PCDHGA9: variants seen among roughly 807,000 people sequenced by gnomAD.
PCDHGA9 encodes protocadherin gamma subfamily A, 9.
PCDHGA9 carries 37 observed loss-of-function variants against 62.5 expected under a neutral mutation model. That is an observed-to-expected ratio of 0.59 (90% CI 0.46 to 0.78). PCDHGA9 has a LOEUF of 0.78. Ranked by LOEUF, PCDHGA9 falls within the 30% of genes least tolerant of loss-of-function variation. The probability of loss-of-function intolerance (pLI) is 0.00; values close to 1 mark genes in which losing one functional copy is unlikely to be tolerated. For missense variants in PCDHGA9, 1,138 were observed against 1,166.2 expected, an observed-to-expected ratio of 0.98 and a Z score of 0.35; for synonymous variants, 459 against 484.6, an observed-to-expected ratio of 0.95 and a Z score of 0.69.
chr5:141,407,589 C>G (rs1305349867), intron 1 of PCDHGA9, among the ~76,000 whole-genome samples: 1 of 151,660 alleles, frequency 6.6e-6, no homozygotes, highest in Non-Finnish European at 1.5e-5. Context: ...ACCTTAATGT[C>G]TCATCTTAAA....
At chr5:141,434,323 T>G (rs578049856) in intron 1 of PCDHGA9, among the ~76,000 whole-genome samples, 1 of 152,358 alleles carries the variant, frequency 6.6e-6, no homozygotes, top group South Asian at 2.1e-4. Flanking sequence ...CTCTTGCTGC[T>G]TGTCTCTTTG....
intron 1 of PCDHGA9, among the ~76,000 whole-genome samples, chr5:141,484,096 G>T (rs539388257): frequency 6.6e-6 from 1 of 152,244 alleles, no homozygotes; most frequent in Non-Finnish European, 1.5e-5. Flanking sequence ...GTCTTCGTTG[G>T]TAATTAACAA....
chr5:141,454,796 A>ATTTTTTTTTTTTTTTTTTTTTTTTTTTT (rs61612330), intron 1 of PCDHGA9, among the ~76,000 whole-genome samples: 3 of 77,456 alleles, frequency 3.9e-5, no homozygotes, highest in Admixed American at 1.8e-4. Flanking sequence ...CATGGTTCTA[A>ATTTTTTTTTTTTTTTTTTTTTTTTTTTT]TTTTTTTTTT....
chr5:141,410,849 C>CTTTTTTTTTGTTTTTTTT (rs2095433801), intron 1 of PCDHGA9: 1 of 129,786 alleles, frequency 7.7e-6, no homozygotes, highest in African/African-American at 6.0e-5. Context: ...TTGTCTTTGT[C>CTTTTTTTTTGTTTTTTTT]TTTTTTTTTT....
chr5:141,415,514 C>G, intron 1 of PCDHGA9: 2 of 1,614,178 alleles, frequency 1.2e-6, no homozygotes, highest in Non-Finnish European at 8.5e-7. Flanking sequence ...CCCAATTATG[C>G]GGACACGCTC....
At chr5:141,427,156 T>G (rs533425641) in intron 1 of PCDHGA9, 10 of 456,890 alleles carry the variant, frequency 2.2e-5, no homozygotes, top group African/African-American at 2.0e-4. Flanking sequence ...AATATGTTTG[T>G]GCTAGACCAT....
In PCDHGA9 at chr5:141,422,843, G is replaced by C. The variant is rs778670588; in HGVS notation, c.2424+17467G>C. 1.9e-6 allele frequency: 3 copies of C among 1,614,234 alleles called. No homozygotes were observed. In the East Asian group the frequency reaches 6.7e-5, roughly 36 times the overall value. ...CTGAGAGTGATAGCACGTGACAGCG[G>C]GGACCCGCCCCTCAGCAGCAACGTG... is the stretch of plus-strand genomic sequence containing the variant. On this transcript the variant is annotated intron_variant, in intron 1 of 3. Coordinates refer to ENST00000573521, the MANE Select transcript of PCDHGA9 (RefSeq NM_018921.3).
intron 1 of PCDHGA9, among the ~76,000 whole-genome samples, chr5:141,452,585 G>A (rs1310395736): frequency 6.6e-6 from 1 of 151,984 alleles, no homozygotes; most frequent in Non-Finnish European, 1.5e-5. Context: ...TTCCATCTTT[G>A]TATTTTTATT....
intron 1 of PCDHGA9, among the ~76,000 whole-genome samples, chr5:141,435,357 T>C (rs749223776): frequency 6.6e-6 from 1 of 152,208 alleles, no homozygotes; most frequent in Non-Finnish European, 1.5e-5. Flanking sequence ...CATTTAAAAT[T>C]TTATCACTTA....
At position 141,486,121 on chromosome 5, in the gene PCDHGA9, T is replaced by C. The variant is rs371827617; in HGVS notation, c.2425-8686T>C. 5.6e-6 allele frequency: 9 copies of C among 1,614,086 alleles called. No individual in the cohort carries two copies. The highest frequency in any genetic ancestry group is 2.2e-5 in the South Asian group (2 of 91,082). ...TAGACTTTGAGAGTGAGAATTACTATGAATTTGATGTGCGGGCTCGCGATG... is the reference window on the plus strand; with the variant it reads ...TAGACTTTGAGAGTGAGAATTACTACGAATTTGATGTGCGGGCTCGCGATG... On this transcript the variant is annotated intron_variant, in intron 1 of 3. Coordinates refer to ENST00000573521, the MANE Select transcript of PCDHGA9 (RefSeq NM_018921.3). This position sits in a 1 kb window ranked among gnomAD's most constrained non-coding sequence, Gnocchi z 5.0.
intron 1 of PCDHGA9, among the ~76,000 whole-genome samples, chr5:141,435,011 A>G (rs2097737147): frequency 6.6e-6 from 1 of 152,126 alleles, no homozygotes; most frequent in African/African-American, 2.4e-5. Flanking sequence ...TTTATCAATG[A>G]TAATGCTCTT....
chr5:141,404,627 G>A lies in PCDHGA9; in HGVS notation c.1675G>A (p.Ala559Thr). The change falls in exon 1 of 4, where the codon GCC (alanine) becomes ACC (threonine). Residue 559 changes from alanine to threonine, a missense_variant. Coordinates refer to ENST00000573521, the MANE Select transcript of PCDHGA9 (RefSeq NM_018921.3). ...GTTTGTTTTGGACCAGAATGACAAT[G>A]CCCCAGAAATCCTGTACCCTGCCCT... Reference protein sequence around the residue: ...RLFVLDQNDNAPEILYPALPT... With the variant: ...RLFVLDQNDNTPEILYPALPT... The A allele has an allele frequency of 6.2e-7, 1 of 1,614,144 alleles. No individual in the cohort carries two copies. Among genetic ancestry groups the A allele is most frequent in the Non-Finnish European group, 8.5e-7 (1 of 1,180,002 alleles).
In PCDHGA9 at chr5:141,477,442, A is replaced by G; in HGVS notation, c.2425-17365A>G. The G allele has an allele frequency of 6.2e-7, 1 of 1,614,132 alleles. No individual in the cohort carries two copies. Among genetic ancestry groups the G allele is most frequent in the Non-Finnish European group, 8.5e-7 (1 of 1,180,022 alleles). ...CCCCTTCCCTCTCAGCCCTTACAAT[A>G]GTGCGTGTTCAAGTGTCCGACATCA... On this transcript the variant is annotated intron_variant, in intron 1 of 3. Coordinates refer to ENST00000573521, the MANE Select transcript of PCDHGA9 (RefSeq NM_018921.3). This position sits in a 1 kb window ranked among gnomAD's most constrained non-coding sequence, Gnocchi z 4.9.
In PCDHGA9 at chr5:141,490,912, AATG is replaced by A; in HGVS notation, c.2425-3892_2425-3890del. 6.2e-7 allele frequency: 1 copy of A among 1,613,644 alleles called. No homozygotes were observed. Among genetic ancestry groups the A allele is most frequent in the Non-Finnish European group, 8.5e-7 (1 of 1,179,684 alleles). On this transcript the variant is annotated intron_variant, in intron 1 of 3. Transcript: ENST00000573521. This position sits in a 1 kb window ranked among gnomAD's most constrained non-coding sequence, Gnocchi z 5.4. ...TCTGCATGTGTTTGTCCTAGACGAG[AATG>A]ATAATGCCCCAGCTGTGCTGCACCC...
rs1562106021 is a variant in PCDHGA9 at position 141,485,561 on chromosome 5, G to T, written c.2425-9246G>T. 6.2e-7 allele frequency: 1 copy of T among 1,613,008 alleles called. No individual in the cohort carries two copies. Among genetic ancestry groups the T allele is most frequent in the Non-Finnish European group, 8.5e-7 (1 of 1,179,122 alleles). ...AGAGATCGTAGATGTGAATGATCAC[G>T]CCCCCCGTTTTCCGCGGCAGCAGCT... On this transcript the variant is annotated intron_variant, in intron 1 of 3. Coordinates refer to ENST00000573521, the MANE Select transcript of PCDHGA9 (RefSeq NM_018921.3). The surrounding 1 kb of genome is among the most constrained non-coding windows in gnomAD (Gnocchi z 5.7).
Position 141,432,323 on chromosome 5 carries a change from T to C in PCDHGA9, c.2424+26947T>C, listed in dbSNP as rs1198710959. The C allele has an allele frequency of 3.4e-5, 55 of 1,614,214 alleles. No individual in the cohort carries two copies. Among genetic ancestry groups the C allele is most frequent in the Non-Finnish European group, 4.7e-5 (55 of 1,180,028 alleles). On this transcript the variant is annotated intron_variant, in intron 1 of 3. Transcript: ENST00000573521. This position sits in a 1 kb window ranked among gnomAD's most constrained non-coding sequence, Gnocchi z 6.0. ...ACTGTATGCGCTGAGCTCCTTCGAC[T>C]ACGAGCAGTTCCGAGACTTGCAAGT...
chr5:141,497,877 G>C (rs1057284578), intron 2 of PCDHGA9, among the ~76,000 whole-genome samples: 6 of 152,148 alleles, frequency 3.9e-5, no homozygotes, highest in Admixed American at 2.6e-4. Context: ...AGTGAAATAA[G>C]CGTTAGGATC....
In PCDHGA9 at chr5:141,491,835, G is replaced by C; in HGVS notation, c.2425-2972G>C. On this transcript the variant is annotated intron_variant, in intron 1 of 3. Coordinates refer to ENST00000573521, the MANE Select transcript of PCDHGA9 (RefSeq NM_018921.3). The surrounding 1 kb of genome is among the most constrained non-coding windows in gnomAD (Gnocchi z 6.9). The stretch of plus-strand genomic sequence containing the variant: ...GCTGGCTGCGCTCCACCCGATTCTC[G>C]GGATCATTGGACCGTTTGCGCGAAA... 1 of 1,473,258 alleles carries C rather than the reference G, an allele frequency of 6.8e-7. No individual in the cohort carries two copies. The highest frequency in any genetic ancestry group is 9.0e-7 in the Non-Finnish European group (1 of 1,112,098). The allele number at this position is 1,473,258 out of a possible 1,614,324, so 91.3% of individuals were successfully genotyped here.
intron 1 of PCDHGA9, among the ~76,000 whole-genome samples, chr5:141,463,316 T>A (rs1290852110): frequency 1.3e-5 from 2 of 151,806 alleles, no homozygotes; most frequent in African/African-American, 2.4e-5. Flanking sequence ...TAATATCTAT[T>A]CCTCAACTCA....
Sources: allele counts gnomAD v4.1 joint callset (sites outside exome capture counted in the v4.1 genomes callset), GRCh38; gene constraint gnomAD v4.1.1; non-coding constraint Gnocchi (gnomAD v3.1); transcripts MANE v1.5; gene names NCBI Gene and HGNC (gene_info 2026-07-23, HGNC 2026-07-21).